The following ACBD3 variants were observed in gnomAD, a reference collection of about 807,000 sequenced individuals.
ACBD3 encodes Golgi resident protein GCP60.
In ACBD3, 30 loss-of-function variants were observed where a neutral mutation model predicts 66.9. The observed-to-expected ratio is 0.45, with a 90% CI of 0.34 to 0.61. The LOEUF (loss-of-function observed/expected upper bound fraction) is 0.61. Ranked by LOEUF, ACBD3 falls within the 20% of genes least tolerant of loss-of-function variation. ACBD3 has a pLI of 0.02. For synonymous variants in ACBD3, 278 were observed against 259.8 expected (o/e 1.07, Z -0.68); for missense variants, 544 against 664.5 (o/e 0.82, Z 1.99).
intron 1 of ACBD3, among the ~76,000 whole-genome samples, chr1:226,172,958 CAACA>C (rs763608324): frequency 7.3e-5 from 11 of 150,544 alleles, no homozygotes; most frequent in African/African-American, 9.8e-5. Flanking sequence ...CCTGTCTAAA[CAACA>C]AACAAACAAA....
In ACBD3 at chr1:226,186,637, G is replaced by A. The variant is rs939401621; in HGVS notation, c.39C>T (p.Ser13=). 4.0e-6 allele frequency: 6 copies of A among 1,513,450 alleles called. No homozygotes were observed. The highest frequency in any genetic ancestry group is 2.9e-5 in the African/African-American group (2 of 70,018). 93.8% of individuals were successfully genotyped at this position (1,513,450 alleles called of 1,614,324 possible). A position where few individuals can be genotyped will look rare whatever the true frequency, so the allele number is the denominator to read the frequency against. The change falls in exon 1 of 8, where the codon TCC becomes TCT. Residue 13 remains serine (S), a synonymous_variant. Coordinates refer to ENST00000366812, the MANE Select transcript of ACBD3 (RefSeq NM_022735.4). ...CCGGGCTGAGCGTGAGGCCGTCGACGGACACCTCGAGTCGCTCTGCGTTCA... is the reference window on the plus strand; with the variant it reads ...CCGGGCTGAGCGTGAGGCCGTCGACAGACACCTCGAGTCGCTCTGCGTTCA... ...AVLNAERLEV[S]VDGLTLSPDP...
intron 1 of ACBD3, among the ~76,000 whole-genome samples, chr1:226,185,548 T>A (rs1236236309): frequency 6.6e-6 from 1 of 152,096 alleles, no homozygotes; most frequent in African/African-American, 2.4e-5. Flanking sequence ...TAACGGGCTT[T>A]CATCAGTTTT....
intron 1 of ACBD3, among the ~76,000 whole-genome samples, chr1:226,181,268 A>G (rs572562673): frequency 6.6e-6 from 1 of 152,348 alleles, no homozygotes; most frequent in African/African-American, 2.4e-5. Context: ...ACTGAAGTCC[A>G]GGAGGCACAC....
At position 226,186,511 on chromosome 1, in the gene ACBD3, C is replaced by T. The variant is rs1384632761; in HGVS notation, c.165G>A (p.Gly55=). ...PGSGRGPGAS[G]EQPEPGEAAA... The stretch of plus-strand genomic sequence containing the variant: ...CCGCCTCCCCGGGCTCGGGCTGCTC[C>T]CCTGAGGCGCCCGGGCCGCGACCGG... The change falls in exon 1 of 8, where the codon GGG becomes GGA. Residue 55 remains glycine, a synonymous_variant. Coordinates refer to ENST00000366812, the MANE Select transcript of ACBD3 (RefSeq NM_022735.4). 2.1e-6 allele frequency: 3 copies of T among 1,414,062 alleles called. No individual in the cohort carries two copies. The highest frequency in any genetic ancestry group is 3.3e-5 in the Admixed American group (1 of 30,166). The allele number at this position is 1,414,062 out of a possible 1,614,324, so 87.6% of individuals were successfully genotyped here. A position where few individuals can be genotyped will look rare whatever the true frequency, so the allele number is the denominator to read the frequency against.
intron 2 of ACBD3, among the ~76,000 whole-genome samples, chr1:226,165,532 T>G (rs970573103): frequency 2.0e-5 from 3 of 152,216 alleles, no homozygotes; most frequent in African/African-American, 7.2e-5. Flanking sequence ...ATTCTTTTTT[T>G]GTCACAATTT....
At chr1:226,164,471 G>C (rs950985382) in intron 3 of ACBD3, among the ~76,000 whole-genome samples, 9 of 152,174 alleles carry the variant, frequency 5.9e-5, no homozygotes, top group Admixed American at 2.0e-4. Flanking sequence ...TCAGACCAGA[G>C]GATAGGGAGG....
intron 5 of ACBD3, 177 bp from the exon 6 acceptor site, chr1:226,155,010 T>G: frequency 2.4e-6 from 1 of 408,712 alleles, no homozygotes; most frequent in Non-Finnish European, 4.2e-6. Context: ...TAGTACAATA[T>G]CAAACTGACA....
At chr1:226,153,476 T>C (rs553204407) in intron 6 of ACBD3, among the ~76,000 whole-genome samples, 1 of 152,168 alleles carries the variant, frequency 6.6e-6, no homozygotes, top group Non-Finnish European at 1.5e-5. Flanking sequence ...ATATCTCAGG[T>C]CAATTGTCCC....
At chr1:226,167,783 AGAG>A (rs1015058257) in intron 1 of ACBD3, among the ~76,000 whole-genome samples, 2 of 152,202 alleles carry the variant, frequency 1.3e-5, no homozygotes, top group Non-Finnish European at 2.9e-5. Context: ...CAGGAAACTC[AGAG>A]AAGAAAAAAT....
At chr1:226,164,010 C>T (rs1298134059) in intron 3 of ACBD3, among the ~76,000 whole-genome samples, 1 of 151,474 alleles carries the variant, frequency 6.6e-6, no homozygotes, top group African/African-American at 2.4e-5. Flanking sequence ...ATCCCTCTCC[C>T]AGCTACTCGG....
intron 7 of ACBD3, among the ~76,000 whole-genome samples, chr1:226,151,637 C>T (rs547995870): frequency 2.8e-4 from 43 of 152,220 alleles, no homozygotes; most frequent in African/African-American, 7.2e-4. Flanking sequence ...AGAATAATGA[C>T]CTAAAATGCT....
intron 1 of ACBD3, among the ~76,000 whole-genome samples, chr1:226,184,463 C>T (rs930359283): frequency 5.3e-5 from 8 of 152,106 alleles, no homozygotes; most frequent in Non-Finnish European, 5.9e-5. Context: ...CACCTAGGCC[C>T]CAAGTTATAA....
chr1:226,170,314 C>T (rs1409183440), intron 1 of ACBD3, among the ~76,000 whole-genome samples: 2 of 147,232 alleles, frequency 1.4e-5, no homozygotes, highest in Admixed American at 6.9e-5. Context: ...CCCGCCACCA[C>T]GCCCAGCTAA....
Position 226,165,850 on chromosome 1 carries a change from C to T in ACBD3, c.428+9G>A, listed in dbSNP as rs1659867619. On this transcript the variant is annotated intron_variant, in intron 2 of 7. Coordinates refer to ENST00000366812, the MANE Select transcript of ACBD3 (RefSeq NM_022735.4). ...TCATTAAATTCACTATACAGAAAAA[C>T]ACTGTTACCTCCTGTCATTCCCCAA... 1 of 1,600,862 alleles carries T rather than the reference C, an allele frequency of 6.2e-7. No individual in the cohort carries two copies.
In ACBD3 at chr1:226,161,684, T is replaced by C; in HGVS notation, c.575A>G (p.Glu192Gly). The change falls in exon 4 of 8, where the codon GAG becomes GGG. Residue 192 changes from glutamate (E) to glycine (G), a missense_variant. Physicochemically the swap from Glu to Gly is moderately conservative, Grantham distance 98. Coordinates refer to ENST00000366812, the MANE Select transcript of ACBD3 (RefSeq NM_022735.4). ...EKEEQEKKRK[E>G]EEERRRREEE... ...TTCACGCCGCCTTCGCTCCTCTTCC[T>C]CCTTCCTACAAGGCAAAGATAGAGA... 6.3e-6 allele frequency: 10 copies of C among 1,590,014 alleles called. No individual in the cohort carries two copies. Among genetic ancestry groups the C allele is most frequent in the Non-Finnish European group, 8.6e-6 (10 of 1,168,092 alleles).
chr1:226,175,928 G>C (rs1461163957), intron 1 of ACBD3, among the ~76,000 whole-genome samples: 1 of 152,178 alleles, frequency 6.6e-6, no homozygotes, highest in Non-Finnish European at 1.5e-5. Flanking sequence ...GCAGAATAAT[G>C]GCTCCTCAAA....
chr1:226,152,691 A>T lies in ACBD3; in HGVS notation c.1091-72T>A, dbSNP rs534556604. ...CTGCAGGTAGCCACATTTTCATAGC[A>T]CTACCTGATCAGTTGTACTCAGGCA... On this transcript the variant is annotated intron_variant, in intron 6 of 7. Transcript: ENST00000366812. The T allele has an allele frequency of 2.3e-5, 33 of 1,431,092 alleles. No homozygotes were observed. In the South Asian group the frequency reaches 4.1e-4, roughly 18 times the overall value. 88.6% of individuals were successfully genotyped at this position (1,431,092 alleles called of 1,614,324 possible). A position where few individuals can be genotyped will look rare whatever the true frequency, so the allele number is the denominator to read the frequency against.
At chr1:226,150,059 T>TA (rs1033938267) in intron 7 of ACBD3, among the ~76,000 whole-genome samples, 1 of 150,028 alleles carries the variant, frequency 6.7e-6, no homozygotes, top group African/African-American at 2.4e-5. Context: ...TTTTTAATTT[T>TA]TTTTTTTTTT....
In ACBD3 at chr1:226,152,323, C is replaced by T. The variant is rs938872305; in HGVS notation, c.1375+12G>A. 6.2e-7 allele frequency: 1 copy of T among 1,612,750 alleles called. No individual in the cohort carries two copies. The highest frequency in any genetic ancestry group is 8.5e-7 in the Non-Finnish European group (1 of 1,179,402). On this transcript the variant is annotated intron_variant, in intron 7 of 7. Transcript: ENST00000366812. ...AACCCAGCAGCTACTGAATATGGAC[C>T]AAGGGTTCTACCTTCTTCCTCCTCG... is the stretch of plus-strand genomic sequence containing the variant.
Sources: allele counts gnomAD v4.1 joint callset (sites outside exome capture counted in the v4.1 genomes callset), GRCh38; gene constraint gnomAD v4.1.1; transcripts MANE v1.5; gene names NCBI Gene and HGNC (gene_info 2026-07-23, HGNC 2026-07-21).